Variants in CR1 observed in about 807,000 individuals in gnomAD.
CR1 encodes the protein complement C3b/C4b receptor 1 (Knops blood group).
In CR1, 116 loss-of-function variants were observed where a neutral mutation model predicts 187.3. That is an observed-to-expected ratio of 0.62 (90% CI 0.53 to 0.72). The LOEUF is 0.72. Among genes scored for constraint, CR1 ranks in the 30% least tolerant of loss-of-function variants. The pLI is 0.00. For synonymous variants in CR1, 576 were observed against 747.1 expected, an observed-to-expected ratio of 0.77 and a Z score of 3.73; for missense variants, 1,731 against 2,110.7, an observed-to-expected ratio of 0.82 and a Z score of 3.52.
intron 42 of CR1, 133 bp downstream of exon 42, chr1:207,618,380 T>G: frequency 2.6e-6 from 2 of 783,970 alleles, no homozygotes; most frequent in Non-Finnish European, 2.0e-6. Flanking sequence ...TGCTTTCTTT[T>G]CATTTACATA....
intron 33 of CR1, 120 bp from the exon 34 acceptor site, chr1:207,587,266 T>C: frequency 1.2e-6 from 1 of 818,412 alleles, no homozygotes; most frequent in Non-Finnish European, 1.8e-6. Context: ...GAAAATCTTT[T>C]GCTATTCTTG....
At chr1:207,525,588 CT>C (rs1235988385) in intron 5 of CR1, among the ~76,000 whole-genome samples, 3 of 151,944 alleles carry the variant, frequency 2.0e-5, no homozygotes, top group Non-Finnish European at 4.4e-5. Context: ...AGAACAGATT[CT>C]GCCATCATCC....
chr1:207,513,641 GCCTGGTTGA>G (rs1371031151), intron 4 of CR1, among the ~76,000 whole-genome samples: 1 of 152,006 alleles, frequency 6.6e-6, no homozygotes, highest in Non-Finnish European at 1.5e-5. Flanking sequence ...TTCCAAATTG[GCCTGGTTGA>G]CATGGTGCCA....
chr1:207,584,955 T>C lies in CR1; in HGVS notation c.5530+79T>C, dbSNP rs1421831780. On this transcript the variant is annotated intron_variant, in intron 33 of 46. Coordinates refer to ENST00000367049, the MANE Select transcript of CR1 (RefSeq NM_000651.6). ...CCCTCATGTTTCTGTAATAAGACTATGGTATTTGTTTGTGAGCTTAACTTT... is the reference window on the plus strand; with the variant it reads ...CCCTCATGTTTCTGTAATAAGACTACGGTATTTGTTTGTGAGCTTAACTTT... The C allele has an allele frequency of 1.1e-5, 17 of 1,566,466 alleles. No homozygotes were observed. In the East Asian group the frequency reaches 1.6e-4, roughly 15 times the overall value.
chr1:207,623,859 C>T (rs970313826), intron 45 of CR1, among the ~76,000 whole-genome samples: 4 of 145,088 alleles, frequency 2.8e-5, no homozygotes, highest in Non-Finnish European at 4.5e-5. Context: ...AGAATTGAAA[C>T]TTTCCATTGG....
chr1:207,577,907 T>C lies in CR1; in HGVS notation c.4640T>C (p.Leu1547Pro), dbSNP rs200111726. 4,354 of 1,611,162 alleles carry C rather than the reference T, an allele frequency of 2.7e-3. 124 individuals carry two copies. The African/African-American group carries it at 0.049, about 18-fold the overall frequency. The part of the protein sequence containing the change: ...YGSVVTYRCN[L>P]GSRGRKVFEL... ...TCAGTGGTGACCTACCGCTGCAATCTTGGAAGCAGAGGGAGAAAGGTGTTT... is the reference window on the plus strand; with the variant it reads ...TCAGTGGTGACCTACCGCTGCAATCCTGGAAGCAGAGGGAGAAAGGTGTTT... The change falls in exon 29 of 47, where the codon CTT becomes CCT. Residue 1547 changes from leucine to proline, a missense_variant. By Grantham distance (98) the Leu-to-Pro change is moderately conservative. This residue lies in a region of CR1 where 1,312 missense variants were observed against 1,379.6 expected (regional missense o/e 0.95). Transcript: ENST00000367049.
At position 207,564,344 on chromosome 1, in the gene CR1, A is replaced by C. The variant is rs187931875; in HGVS notation, c.3866+110A>C. On this transcript the variant is annotated intron_variant, in intron 23 of 46. Transcript: ENST00000367049. ...AAGAAAGACACACACACACACACAC[A>C]CCTTCAGAGAGATGAACTTTCGAAA... The C allele has an allele frequency of 5.1e-5, 75 of 1,460,750 alleles. 2 individuals carry two copies. In the Middle Eastern group the frequency reaches 1.0e-3, roughly 20 times the overall value. The allele number at this position is 1,460,750 out of a possible 1,614,324, so 90.5% of individuals were successfully genotyped here.
intron 45 of CR1, among the ~76,000 whole-genome samples, chr1:207,626,583 G>C (rs1187264036): frequency 6.6e-6 from 1 of 152,196 alleles, no homozygotes; most frequent in Non-Finnish European, 1.5e-5. Context: ...ATTTATCCTG[G>C]AGCTAAAAAA....
At chr1:207,591,189 C>A (rs1464020264) in intron 35 of CR1, among the ~76,000 whole-genome samples, 4 of 152,100 alleles carry the variant, frequency 2.6e-5, no homozygotes, top group Non-Finnish European at 5.9e-5. Flanking sequence ...CTAAAATTGA[C>A]CACATAATTG....
chr1:207,564,414 T>G (rs1346146387), intron 23 of CR1, among the ~76,000 whole-genome samples, 180 bp downstream of exon 23: 2 of 149,370 alleles, frequency 1.3e-5, no homozygotes, highest in African/African-American at 5.1e-5. Flanking sequence ...ACTAATAACA[T>G]GAGATATGAA....
chr1:207,521,597 T>A (rs1409437673), intron 4 of CR1, among the ~76,000 whole-genome samples: 1 of 149,962 alleles, frequency 6.7e-6, no homozygotes, highest in East Asian at 1.9e-4. Flanking sequence ...AATTCTAGAC[T>A]TTTTATTTTC....
In CR1 at chr1:207,618,191, G is replaced by A. The variant is rs778163932; in HGVS notation, c.7010G>A (p.Gly2337Asp). 8.7e-6 allele frequency: 14 copies of A among 1,613,680 alleles called. No homozygotes were observed. The African/African-American group carries it at 1.3e-4, about 15-fold the overall frequency. The change falls in exon 42 of 47, where the codon GGC becomes GAC. Residue 2337 changes from glycine to aspartate, a missense_variant. This residue lies in a region of CR1 where 1,312 missense variants were observed against 1,379.6 expected (regional missense o/e 0.95). Coordinates refer to ENST00000367049, the MANE Select transcript of CR1 (RefSeq NM_000651.6). Reference sequence around the variant, plus strand: ...CCCGGCTACCTGTTAGTGGGAAAGGGCTTCATTTTCTGTACAGACCAGGGA... The same window carrying A: ...CCCGGCTACCTGTTAGTGGGAAAGGACTTCATTTTCTGTACAGACCAGGGA... ...CDPGYLLVGK[G>D]FIFCTDQGIW... is the part of the protein sequence containing the mutation.
chr1:207,629,734 T>C (rs923681125), intron 45 of CR1, among the ~76,000 whole-genome samples: 45 of 152,174 alleles, frequency 3.0e-4, no homozygotes, highest in Middle Eastern at 3.2e-3. Context: ...TATCATTTCA[T>C]TGATAAAAGA....
intron 2 of CR1, 114 bp downstream of exon 2, chr1:207,506,197 A>G (rs1659427050): frequency 8.2e-7 from 1 of 1,215,674 alleles, no homozygotes; most frequent in Non-Finnish European, 1.2e-6. Context: ...GCCAAGGTGC[A>G]ATACATATGA....
rs267598342 is a variant in CR1, at chr1:207,616,650, G to A, written c.6737G>A (p.Gly2246Glu). ...ACTCCCTTTGGAGATATTCCCTATG[G>A]AAAAGAAATATCTTACGCATGCGAC... is the stretch of plus-strand genomic sequence containing the variant. The part of the protein sequence containing the change: ...TGTPFGDIPY[G>E]KEISYACDTH... Residue 2246 changes from glycine (G) to glutamate (E), a missense_variant, in exon 41 of 47, where the codon GGA becomes GAA. Transcript: ENST00000367049. The A allele has an allele frequency of 6.2e-7, 1 of 1,613,790 alleles. No individual in the cohort carries two copies. The highest frequency in any genetic ancestry group is 1.1e-5 in the South Asian group (1 of 91,066).
intron 35 of CR1, among the ~76,000 whole-genome samples, chr1:207,600,448 G>A (rs1661572379): frequency 6.6e-6 from 1 of 152,106 alleles, no homozygotes; most frequent in South Asian, 2.1e-4. Context: ...ACTCCACAGA[G>A]TATACCTCAA....
At position 207,616,024 on chromosome 1, in the gene CR1, G is replaced by T. The variant is rs1369212140; in HGVS notation, c.6662-551G>T. Among the ~76,000 whole-genome samples the T allele has an allele frequency of 3.3e-5, 5 of 152,262 alleles. No individual in the cohort carries two copies. In the East Asian group the frequency reaches 9.6e-4, roughly 29 times the overall value. On this transcript the variant is annotated intron_variant, in intron 40 of 46. Coordinates refer to ENST00000367049, the MANE Select transcript of CR1 (RefSeq NM_000651.6). ...TAATAATTGGAAGAAATCAAAAAAG[G>T]CTCTTTGGCACCATTTAATCTGAGT... is the stretch of plus-strand genomic sequence containing the variant.
intron 35 of CR1, chr1:207,599,146 A>T (rs1661534805): frequency 6.6e-6 from 1 of 152,252 alleles, no homozygotes; most frequent in African/African-American, 2.4e-5. Flanking sequence ...AACAGTAGAT[A>T]AGCAATAGAC....
At chr1:207,509,753 G>A (rs1315155723) in intron 3 of CR1, among the ~76,000 whole-genome samples, 1 of 152,152 alleles carries the variant, frequency 6.6e-6, no homozygotes, top group Non-Finnish European at 1.5e-5. Context: ...AGCCAGAGGA[G>A]CCTCCAGGAT....
Sources: allele counts gnomAD v4.1 joint callset (sites outside exome capture counted in the v4.1 genomes callset), GRCh38; gene constraint gnomAD v4.1.1; regional missense constraint gnomAD v4.1.1; transcripts MANE v1.5; gene names NCBI Gene and HGNC (gene_info 2026-07-23, HGNC 2026-07-21).